Variants in NDUFAF2 observed in about 807,000 individuals in gnomAD.
NDUFAF2 encodes the protein NADH dehydrogenase [ubiquinone] 1 alpha subcomplex assembly factor 2.
In NDUFAF2, 13 loss-of-function variants were observed where a neutral mutation model predicts 22.8. The ratio of observed to expected loss-of-function variants is 0.57; its 90% confidence interval spans 0.37 to 0.91. The LOEUF (loss-of-function observed/expected upper bound fraction) is 0.91. NDUFAF2 is among the 40% of genes least tolerant of loss of function. The probability of loss-of-function intolerance (pLI) is 0.01; values close to 1 mark genes in which losing one functional copy is unlikely to be tolerated. For synonymous variants in NDUFAF2, 53 were observed against 64.2 expected (o/e 0.83, Z 0.84); for missense variants, 162 against 195.2 (o/e 0.83, Z 1.01).
At chr5:61,040,779 A>G (rs879635914) in intron 1 of NDUFAF2, among the ~76,000 whole-genome samples, 4 of 152,194 alleles carry the variant, frequency 2.6e-5, no homozygotes, top group Admixed American at 2.6e-4. Flanking sequence ...AGACTGGAGT[A>G]TAAATAACTG....
At chr5:61,021,453 C>T (rs1751582939) in intron 1 of NDUFAF2, among the ~76,000 whole-genome samples, 1 of 152,122 alleles carries the variant, frequency 6.6e-6, no homozygotes, top group South Asian at 2.1e-4. Flanking sequence ...ATTGAGTCCA[C>T]CCAGGTAATT....
At chr5:61,003,186 C>T (rs769179270) in intron 1 of NDUFAF2, among the ~76,000 whole-genome samples, 1 of 152,174 alleles carries the variant, frequency 6.6e-6, no homozygotes, top group East Asian at 1.9e-4. Context: ...CTGTTGAATG[C>T]ACAGATTCTC....
chr5:61,030,452 C>T (rs1751708998), intron 1 of NDUFAF2, among the ~76,000 whole-genome samples: 1 of 152,106 alleles, frequency 6.6e-6, no homozygotes, highest in African/African-American at 2.4e-5. Context: ...ATGGTAAGCT[C>T]TGCTGTCAAC....
At chr5:60,947,954 T>G (rs1304198794) in intron 1 of NDUFAF2, among the ~76,000 whole-genome samples, 2 of 152,154 alleles carry the variant, frequency 1.3e-5, no homozygotes, top group Non-Finnish European at 2.9e-5. Flanking sequence ...CTTACATAAT[T>G]GTAATTGCAT....
At chr5:60,967,713 T>C (rs1750776179) in intron 1 of NDUFAF2, among the ~76,000 whole-genome samples, 2 of 151,970 alleles carry the variant, frequency 1.3e-5, no homozygotes, top group Middle Eastern at 3.4e-3. Flanking sequence ...TGGTGAATGA[T>C]CTTTTTAATG....
chr5:60,956,014 AAGTG>A (rs887497551), intron 1 of NDUFAF2, among the ~76,000 whole-genome samples: 1 of 151,380 alleles, frequency 6.6e-6, no homozygotes, highest in African/African-American at 2.4e-5. Context: ...CCTGGGGCCT[AAGTG>A]ATCCTCCTAA....
At chr5:61,136,003 C>CTT (rs1319545653) in intron 3 of NDUFAF2, among the ~76,000 whole-genome samples, 1 of 57,658 alleles carries the variant, frequency 1.7e-5, no homozygotes, top group Non-Finnish European at 3.1e-5. Context: ...CTAAGCCTGT[C>CTT]TTTATATATA....
intron 1 of NDUFAF2, among the ~76,000 whole-genome samples, chr5:61,017,892 G>C (rs1751532624): frequency 6.6e-6 from 1 of 152,112 alleles, no homozygotes; most frequent in South Asian, 2.1e-4. Flanking sequence ...TGGGATGACA[G>C]GCATGCGTCA....
chr5:61,107,676 A>G (rs1209744282), intron 3 of NDUFAF2, among the ~76,000 whole-genome samples: 1 of 150,286 alleles, frequency 6.7e-6, no homozygotes, highest in African/African-American at 2.5e-5. Flanking sequence ...TATTATTATT[A>G]TTATTATACT....
At chr5:61,041,580 T>G (rs944628770) in intron 1 of NDUFAF2, among the ~76,000 whole-genome samples, 2 of 152,182 alleles carry the variant, frequency 1.3e-5, no homozygotes, top group African/African-American at 4.8e-5. Context: ...GTTTAAAACT[T>G]GGTAGACTTA....
At chr5:61,067,790 T>C (rs1380538182) in intron 1 of NDUFAF2, among the ~76,000 whole-genome samples, 1 of 152,094 alleles carries the variant, frequency 6.6e-6, no homozygotes, top group Admixed American at 6.6e-5. Context: ...TGTAAAAGTG[T>C]TCCTATTTCT....
chr5:61,140,483 T>C (rs1741034580), intron 3 of NDUFAF2, among the ~76,000 whole-genome samples: 2 of 152,210 alleles, frequency 1.3e-5, no homozygotes, highest in African/African-American at 4.8e-5. Context: ...GGTTGCCAGA[T>C]TTAGCAAACA....
chr5:60,991,490 C>G (rs1375813459), intron 1 of NDUFAF2, among the ~76,000 whole-genome samples: 1 of 152,192 alleles, frequency 6.6e-6, no homozygotes, highest in Non-Finnish European at 1.5e-5. Flanking sequence ...TATCCTTCTA[C>G]TGTCTAGCTC....
At chr5:60,981,844 A>G (rs1750982712) in intron 1 of NDUFAF2, among the ~76,000 whole-genome samples, 1 of 152,212 alleles carries the variant, frequency 6.6e-6, no homozygotes, top group African/African-American at 2.4e-5. Flanking sequence ...CCAAGAACAT[A>G]CAGTGAGGAA....
intron 1 of NDUFAF2, among the ~76,000 whole-genome samples, chr5:61,047,194 A>G (rs1380239938): frequency 6.6e-6 from 1 of 152,162 alleles, no homozygotes; most frequent in African/African-American, 2.4e-5. Flanking sequence ...ATACAAACTG[A>G]TAGTACAAAG....
At chr5:61,054,565 C>T (rs1002142177) in intron 1 of NDUFAF2, among the ~76,000 whole-genome samples, 3 of 152,128 alleles carry the variant, frequency 2.0e-5, no homozygotes, top group African/African-American at 4.8e-5. Flanking sequence ...CATTCAGTAA[C>T]GATTTCTAGA....
intron 1 of NDUFAF2, among the ~76,000 whole-genome samples, chr5:60,968,156 T>A (rs188306571): frequency 2.6e-5 from 4 of 152,062 alleles, no homozygotes; most frequent in Admixed American, 2.6e-4. Context: ...TTTATGATCC[T>A]TTGTGTTTCT....
At chr5:61,068,081 A>G (rs1752252717) in intron 1 of NDUFAF2, among the ~76,000 whole-genome samples, 1 of 152,172 alleles carries the variant, frequency 6.6e-6, no homozygotes, top group Admixed American at 6.6e-5. Flanking sequence ...TTAAAATATC[A>G]CTAATAAATC....
chr5:61,076,080 T>C (rs1752364701), intron 2 of NDUFAF2, among the ~76,000 whole-genome samples: 2 of 152,012 alleles, frequency 1.3e-5, no homozygotes. Context: ...AGTTTTTTTG[T>C]TTGTTTTTTA....
Sources: allele counts gnomAD v4.1 joint callset (sites outside exome capture counted in the v4.1 genomes callset), GRCh38; gene constraint gnomAD v4.1.1; transcripts MANE v1.5; gene names NCBI Gene and HGNC (gene_info 2026-07-23, HGNC 2026-07-21).